Variants in ARID3B observed in about 807,000 individuals in gnomAD.
ARID3B encodes AT-rich interaction domain 3B.
ARID3B carries 10 observed loss-of-function variants against 51.9 expected under a neutral mutation model. The observed-to-expected ratio is 0.19, with a 90% CI of 0.12 to 0.33. ARID3B has a LOEUF of 0.33. Ranked by LOEUF, ARID3B falls within the 10% of genes least tolerant of loss-of-function variation. The pLI, the probability that ARID3B is intolerant of heterozygous loss-of-function variation, is 1.00. For missense variants in ARID3B, 483 were observed against 716.3 expected, an observed-to-expected ratio of 0.67 and a Z score of 3.72; for synonymous variants, 205 against 279.5, an observed-to-expected ratio of 0.73 and a Z score of 2.66.
In ARID3B at chr15:74,548,886, T is replaced by G. The variant is rs867542271; in HGVS notation, c.552+4398T>G. ...AGTTTCGTGTTTGTTTTTGTTTTTT[T>G]GGGGTTTTTTTTGCCTATTCTTAAC... On this transcript the variant is annotated intron_variant, in intron 2 of 8. Transcript: ENST00000346246. Among the ~76,000 whole-genome samples the G allele has an allele frequency of 2.6e-4, 39 of 152,172 alleles. 1 individual carries two copies. Among genetic ancestry groups the G allele is most frequent in the Non-Finnish European group, 2.6e-4 (18 of 67,978 alleles).
At chr15:74,556,760 CT>C (rs1390144579) in intron 2 of ARID3B, among the ~76,000 whole-genome samples, 1 of 142,164 alleles carries the variant, frequency 7.0e-6, no homozygotes, top group African/African-American at 2.7e-5. Context: ...TTCCTTTTTT[CT>C]TTTTTTTGTT....
intron 4 of ARID3B, among the ~76,000 whole-genome samples, chr15:74,577,618 C>T (rs1030801734): frequency 2.6e-5 from 4 of 152,058 alleles, no homozygotes; most frequent in African/African-American, 9.7e-5. Flanking sequence ...CCTCCCCAGG[C>T]TCAGGTGATC....
At chr15:74,568,676 A>T (rs992205689) in intron 2 of ARID3B, among the ~76,000 whole-genome samples, 1 of 152,112 alleles carries the variant, frequency 6.6e-6, no homozygotes, top group Non-Finnish European at 1.5e-5. Flanking sequence ...AGCCAAAGCT[A>T]GTCTTGGGTG....
chr15:74,560,198 G>A (rs2061674972), intron 2 of ARID3B, among the ~76,000 whole-genome samples: 1 of 148,444 alleles, frequency 6.7e-6, no homozygotes, highest in African/African-American at 2.5e-5. Context: ...GAGCAAGACT[G>A]TCTCAAAAAA....
At chr15:74,584,962 C>A (rs984155692) in intron 4 of ARID3B, among the ~76,000 whole-genome samples, 14 of 152,228 alleles carry the variant, frequency 9.2e-5, no homozygotes, top group Non-Finnish European at 1.5e-5. Context: ...CTCTTTGTTG[C>A]AACTGTCAGT....
chr15:74,550,736 C>G (rs751508141), intron 2 of ARID3B, among the ~76,000 whole-genome samples: 11 of 151,840 alleles, frequency 7.2e-5, no homozygotes, highest in Non-Finnish European at 1.3e-4. Flanking sequence ...AAAAAAGACC[C>G]TGCTTCCACT....
At chr15:74,544,639 T>C in intron 2 of ARID3B, 151 bp downstream of exon 2, 2 of 652,746 alleles carry the variant, frequency 3.1e-6, no homozygotes, top group Non-Finnish European at 5.0e-6. Context: ...TGGATTTTTT[T>C]CTTATTTAAT....
At chr15:74,589,021 CTTTTT>C (rs900091332) in intron 4 of ARID3B, among the ~76,000 whole-genome samples, 63 of 87,852 alleles carry the variant, frequency 7.2e-4, no homozygotes, top group African/African-American at 2.8e-3. Context: ...CAAGCACACT[CTTTTT>C]TTTTTTTTTT....
chr15:74,596,425 G>C lies in ARID3B; in HGVS notation c.*651G>C, dbSNP rs563320636. ...GCAGTTCAGGGCCAGGGCCCACAGG[G>C]CATCTGCTGATGGGAAGGCAGAGCC... On this transcript the variant is annotated 3_prime_UTR_variant, in exon 9 of 9. Coordinates refer to ENST00000346246, the MANE Select transcript of ARID3B (RefSeq NM_006465.4). The C allele has an allele frequency of 4.3e-6, 1 of 233,434 alleles. No homozygotes were observed. Among genetic ancestry groups the C allele is most frequent in the Non-Finnish European group, 8.5e-6 (1 of 117,954 alleles). 14.5% of individuals were successfully genotyped at this position (233,434 alleles called of 1,614,324 possible). A position where few individuals can be genotyped will look rare whatever the true frequency, so the allele number is the denominator to read the frequency against.
intron 2 of ARID3B, among the ~76,000 whole-genome samples, chr15:74,570,462 CAAAAAAAAAAAAAAAAAA>C (rs71137395): frequency 2.5e-4 from 16 of 64,608 alleles, no homozygotes; most frequent in South Asian, 1.1e-3. Flanking sequence ...CTATAATTAG[CAAAAAAAAAAAAAAAAAA>C]AAAAAAAAAA....
intron 2 of ARID3B, among the ~76,000 whole-genome samples, chr15:74,569,805 C>G (rs1473052737): frequency 1.3e-5 from 2 of 152,194 alleles, no homozygotes; most frequent in African/African-American, 4.8e-5. Context: ...ATTACTCTCA[C>G]CTCAGCCAGA....
intron 3 of ARID3B, 53 bp from the exon 4 acceptor site, chr15:74,573,079 C>T (rs1302404512): frequency 1.2e-6 from 2 of 1,605,302 alleles, no homozygotes; most frequent in Non-Finnish European, 1.7e-6. Flanking sequence ...TATAAGACTT[C>T]AGCAAGATGG....
At chr15:74,580,469 A>G (rs888084936) in intron 4 of ARID3B, among the ~76,000 whole-genome samples, 3 of 152,212 alleles carry the variant, frequency 2.0e-5, no homozygotes, top group Non-Finnish European at 4.4e-5. Flanking sequence ...TTAAAGAGTC[A>G]GGATGATGAT....
intron 2 of ARID3B, among the ~76,000 whole-genome samples, chr15:74,561,552 G>GT (rs1344977707): frequency 6.6e-6 from 1 of 152,196 alleles, no homozygotes; most frequent in Non-Finnish European, 1.5e-5. Flanking sequence ...TATAAGCAGG[G>GT]ACTTAAAGCT....
intron 4 of ARID3B, among the ~76,000 whole-genome samples, chr15:74,583,845 G>C (rs370298398): frequency 9.2e-5 from 14 of 152,312 alleles, no homozygotes; most frequent in African/African-American, 3.4e-4. Flanking sequence ...GACCCACTCA[G>C]TGGGCAGTTG....
chr15:74,573,066 TG>T (rs2061724814), intron 3 of ARID3B, 65 bp from the exon 4 acceptor site: 1 of 1,596,044 alleles, frequency 6.3e-7, no homozygotes. Context: ...ATAGTATATC[TG>T]GTATAAGACT....
intron 8 of ARID3B, among the ~76,000 whole-genome samples, chr15:74,594,182 C>T (rs1219865595): frequency 6.6e-6 from 1 of 152,200 alleles, no homozygotes; most frequent in Non-Finnish European, 1.5e-5. Flanking sequence ...GGCGCGGTGG[C>T]TCACGCCTGT....
At chr15:74,582,115 A>G (rs977386201) in intron 4 of ARID3B, among the ~76,000 whole-genome samples, 8 of 149,816 alleles carry the variant, frequency 5.3e-5, no homozygotes, top group African/African-American at 2.0e-4. Flanking sequence ...CCTGCAGTCC[A>G]CCTCCTTCTG....
chr15:74,559,947 A>C (rs1455867923), intron 2 of ARID3B, among the ~76,000 whole-genome samples: 1 of 147,916 alleles, frequency 6.8e-6, no homozygotes, highest in Admixed American at 7.0e-5. Flanking sequence ...TAACTCCAGT[A>C]CTTTGGAAGG....
Sources: allele counts gnomAD v4.1 joint callset (sites outside exome capture counted in the v4.1 genomes callset), GRCh38; gene constraint gnomAD v4.1.1; transcripts MANE v1.5; gene names NCBI Gene and HGNC (gene_info 2026-07-23, HGNC 2026-07-21).